The following OBP2B variants were observed in gnomAD, a reference collection of about 807,000 sequenced individuals.
The protein encoded by OBP2B is odorant binding protein 2B, also known as odorant-binding protein 2b.
OBP2B carries 10 observed loss-of-function variants against 21.7 expected under a neutral mutation model. The ratio of observed to expected loss-of-function variants is 0.46; its 90% CI spans 0.28 to 0.78. The LOEUF (loss-of-function observed/expected upper bound fraction) is 0.78, where lower values mean the gene tolerates loss of function less well. Ranked by LOEUF, OBP2B falls within the 30% of genes least tolerant of loss-of-function variation. The pLI, the probability that OBP2B is intolerant of heterozygous loss-of-function variation, is 0.11. For missense variants in OBP2B, 153 were observed against 217.7 expected, an observed-to-expected ratio of 0.70 and a Z score of 1.87; for synonymous variants, 73 against 91.5, an observed-to-expected ratio of 0.80 and a Z score of 1.16.
At chr9:133,208,317 C>T in intron 2 of OBP2B, 114 bp from the exon 3 acceptor site, 1 of 1,599,012 alleles carries the variant, frequency 6.3e-7, no homozygotes, top group Non-Finnish European at 8.5e-7. Context: ...GCCCCCCACC[C>T]CACCGAGCTT....
upstream of OBP2B, among the ~76,000 whole-genome samples, chr9:133,210,027 C>A (rs1390910540): frequency 6.6e-6 from 1 of 152,168 alleles, no homozygotes; most frequent in Admixed American, 6.5e-5. Flanking sequence ...GCTTTGACGG[C>A]CCCCAGCCCC....
upstream of OBP2B, among the ~76,000 whole-genome samples, chr9:133,211,415 G>A (rs1448144618): frequency 1.3e-5 from 2 of 152,224 alleles, no homozygotes; most frequent in South Asian, 2.1e-4. Flanking sequence ...AGGCACTGGT[G>A]ACCCACGCTC....
upstream of OBP2B, among the ~76,000 whole-genome samples, chr9:133,210,731 G>A (rs1295202728): frequency 1.3e-5 from 2 of 152,190 alleles, no homozygotes; most frequent in African/African-American, 4.8e-5. Context: ...CGCTCAGTGC[G>A]ACGGGTGCTC....
upstream of OBP2B, among the ~76,000 whole-genome samples, chr9:133,211,414 T>C (rs573804386): frequency 5.4e-4 from 82 of 152,358 alleles, no homozygotes; most frequent in African/African-American, 1.9e-3. Flanking sequence ...AAGGCACTGG[T>C]GACCCACGCT....
chr9:133,209,229 AGGTCACTGGGCGTCTGAACAAG>A, exon 1 of OBP2B: 1 of 1,560,172 alleles, frequency 6.4e-7, no homozygotes, highest in Non-Finnish European at 8.7e-7. This position sits in a 1 kb window ranked among gnomAD's most constrained non-coding sequence, Gnocchi z 6.0. Context: ...CGACCTCGGC[AGGTCACTGGGCGTCTGAACAAG>A]GCTGTGCTGG....
chr9:133,205,462 G>A (rs1169019632), intron 6 of OBP2B, 51 bp from the exon 7 acceptor site: 4 of 1,044,582 alleles, frequency 3.8e-6, no homozygotes, highest in Middle Eastern at 3.1e-4. Context: ...GTAGGGCAGA[G>A]GCCAGGGCCA....
chr9:133,207,228 A>C lies in OBP2B; in HGVS notation c.386T>G (p.Val129Gly). 6.2e-7 allele frequency: 1 copy of C among 1,611,168 alleles called. No individual in the cohort carries two copies. ...HGGLLHMGKL[V>G]GRNSDTNREA... is the part of the protein sequence containing the mutation. ...GCAGACCCCAGCAAGCCCCTCACCC[A>C]CAAGCTTTCCCATGTGGAGCAGGCC... The change falls in exon 4 of 7, where the codon GTG (valine) becomes GGG (glycine). Residue 129 changes from valine (V) to glycine (G), a missense_variant and splice_region_variant. Around this residue, in one of 2 missense-constraint regions of OBP2B, gnomAD observed 151 missense variants for 186.3 expected, o/e 0.81. Transcript: ENST00000372034.
chr9:133,217,351 C>T, the OBP2B span, among the ~76,000 whole-genome samples: 1 of 152,176 alleles, frequency 6.6e-6, no homozygotes, highest in Non-Finnish European at 1.5e-5. Flanking sequence ...ATGGCCGGTT[C>T]CGAGGCAATG....
upstream of OBP2B, among the ~76,000 whole-genome samples, chr9:133,212,512 G>A (rs1833926286): frequency 6.6e-6 from 1 of 152,218 alleles, no homozygotes; most frequent in Non-Finnish European, 1.5e-5. Flanking sequence ...ATAAATCAAT[G>A]CCAGAAAGAT....
At chr9:133,215,104 T>C in the OBP2B span, among the ~76,000 whole-genome samples, 1 of 152,186 alleles carries the variant, frequency 6.6e-6, no homozygotes, top group African/African-American at 2.4e-5. Context: ...AAGATAAATA[T>C]ACAAAGATCA....
At chr9:133,213,109 G>A (rs1157138770), upstream of OBP2B, among the ~76,000 whole-genome samples, 16 of 152,030 alleles carry the variant, frequency 1.1e-4, no homozygotes, top group Admixed American at 3.9e-4. Context: ...GCATGGTGGC[G>A]TATACCTGTA....
chr9:133,205,684 A>T (rs1588613925), intron 6 of OBP2B: 1 of 597,782 alleles, frequency 1.7e-6, no homozygotes, highest in East Asian at 2.8e-5. Flanking sequence ...CGCTGTGGAA[A>T]GGCCGAGGAG....
At chr9:133,221,673 C>T in the OBP2B span, among the ~76,000 whole-genome samples, 1 of 152,198 alleles carries the variant, frequency 6.6e-6, no homozygotes, top group Non-Finnish European at 1.5e-5. Context: ...GGAGATGTTC[C>T]ATCCTGGCCT....
At position 133,206,484 on chromosome 9, in the gene OBP2B, G is replaced by A. The variant is rs113478607; in HGVS notation, c.389-68C>T. 9.8e-4 allele frequency: 1,492 copies of A among 1,515,532 alleles called. 1 individual carries two copies. The highest frequency in any genetic ancestry group is 2.9e-3 in the African/African-American group (211 of 73,466). 93.9% of individuals were successfully genotyped at this position (1,515,532 alleles called of 1,614,324 possible). On this transcript the variant is annotated intron_variant, in intron 4 of 6. Coordinates refer to ENST00000372034, the MANE Select transcript of OBP2B (RefSeq NM_014581.4). ...CACGGCCCTGCAGGGAGCAGATGCC[G>A]AAAGGAGACGACCACGGCCCAGCAC...
At chr9:133,206,747 G>A (rs1833727968) in intron 4 of OBP2B, among the ~76,000 whole-genome samples, 3 of 151,694 alleles carry the variant, frequency 2.0e-5, no homozygotes, top group South Asian at 2.1e-4. Context: ...GACAGTCACT[G>A]CCCAGATGAG....
chr9:133,207,881 TG>T (rs782359033), intron 3 of OBP2B: 416 of 1,525,352 alleles, frequency 2.7e-4, no homozygotes, highest in Non-Finnish European at 3.4e-4. Flanking sequence ...GCTTCCTCAA[TG>T]TGTCAATGGC....
chr9:133,217,587 T>C, the OBP2B span, among the ~76,000 whole-genome samples: 2 of 152,184 alleles, frequency 1.3e-5, no homozygotes, highest in African/African-American at 2.4e-5. Context: ...CCCAGATGGC[T>C]TCCTATTGAG....
upstream of OBP2B, among the ~76,000 whole-genome samples, chr9:133,212,660 G>A (rs10793958): frequency 0.63 from 96,469 of 152,142 alleles, 32,700 homozygotes; most frequent in Non-Finnish European, 0.78. Flanking sequence ...GCTGGGCGTG[G>A]TGGCTTGTGC....
chr9:133,207,176 A>T, intron 4 of OBP2B, 50 bp downstream of exon 4: 1 of 1,288,040 alleles, frequency 7.8e-7, no homozygotes, highest in Non-Finnish European at 1.1e-6. Context: ...ACCGGCTTCC[A>T]GAGGCAGAGA....
Sources: gnomAD v4.1 joint callset for allele counts (sites outside exome capture counted in the v4.1 genomes callset) on GRCh38, gnomAD v4.1.1 for gene constraint, gnomAD v4.1.1 regional missense constraint, Gnocchi (gnomAD v3.1) non-coding constraint, MANE v1.5 for transcripts, NCBI Gene and HGNC (gene_info 2026-07-23, HGNC 2026-07-21) for gene names.